Variants in POLD1 observed in about 807,000 individuals in gnomAD.
POLD1 encodes the protein DNA polymerase delta 1, catalytic subunit.
POLD1 carries 79 observed loss-of-function variants against 129.7 expected under a neutral mutation model. The observed-to-expected ratio is 0.61, with a 90% CI of 0.51 to 0.73. The LOEUF is 0.73. Among genes scored for constraint, POLD1 ranks in the 30% least tolerant of loss-of-function variants. POLD1 has a pLI of 0.00. For synonymous variants in POLD1, 714 were observed against 683.3 expected (o/e 1.04, Z -0.70); for missense variants, 1,338 against 1,595.8 (o/e 0.84, Z 2.75).
intron 10 of POLD1, among the ~76,000 whole-genome samples, chr19:50,405,066 A>G (rs2038825677): frequency 6.6e-6 from 1 of 151,548 alleles, no homozygotes; most frequent in Admixed American, 6.6e-5. Flanking sequence ...CGCCTGGCCT[A>G]TTTTTGTTTT....
At chr19:50,405,696 A>C (rs532612510) in intron 10 of POLD1, among the ~76,000 whole-genome samples, 1 of 151,860 alleles carries the variant, frequency 6.6e-6, no homozygotes, top group Non-Finnish European at 1.5e-5. Flanking sequence ...GGTGTCCCTC[A>C]CCCTCTGCCC....
intron 10 of POLD1, 38 bp downstream of exon 10, chr19:50,403,635 C>T (rs761733660): frequency 1.5e-6 from 2 of 1,366,592 alleles, no homozygotes; most frequent in East Asian, 2.3e-5. Flanking sequence ...TCTCAGATGC[C>T]CCAGGTGTGG....
intron 10 of POLD1, among the ~76,000 whole-genome samples, chr19:50,404,981 T>C (rs533404365): frequency 6.6e-6 from 1 of 150,654 alleles, no homozygotes. Flanking sequence ...GCCAGGCTGG[T>C]CTCGAACTCC....
rs2122384313 is a variant in POLD1 at position 50,409,520 on chromosome 19, G to C, written c.2008G>C (p.Ala670Pro). Residue 670 changes from alanine (A) to proline (P), a missense_variant and splice_region_variant, in exon 17 of 27, where the codon GCC becomes CCC. This residue lies in a region of POLD1 where 720 missense variants were observed against 1,002.6 expected (regional missense o/e 0.72). Coordinates refer to ENST00000440232, the MANE Select transcript of POLD1 (RefSeq NM_002691.4). This position sits in a 1 kb window ranked among gnomAD's most constrained non-coding sequence, Gnocchi z 5.8. ...LENLLSARKR[A>P]KAELAKETDP... Reference sequence around the variant, plus strand: ...TGCTTTCCCCGTGTTCCCTCGCAGGGCCAAGGCCGAGCTGGCCAAGGAGAC... The same window carrying C: ...TGCTTTCCCCGTGTTCCCTCGCAGGCCCAAGGCCGAGCTGGCCAAGGAGAC... The C allele has an allele frequency of 1.2e-6, 2 of 1,613,536 alleles. No individual in the cohort carries two copies. Among genetic ancestry groups the C allele is most frequent in the Non-Finnish European group, 1.7e-6 (2 of 1,180,036 alleles).
chr19:50,388,967 G>A (rs557214365), intron 1 of POLD1, among the ~76,000 whole-genome samples: 13 of 151,128 alleles, frequency 8.6e-5, no homozygotes, highest in African/African-American at 2.2e-4. Context: ...TGAGTAGCTG[G>A]GACTATAGGC....
chr19:50,402,941 C>A, intron 8 of POLD1, 112 bp from the exon 9 acceptor site: 1 of 1,411,088 alleles, frequency 7.1e-7, no homozygotes, highest in South Asian at 1.3e-5. Flanking sequence ...GGGTGAGCCA[C>A]GTAGGGCCGG....
At position 50,409,806 on chromosome 19, in the gene POLD1, G is replaced by A. The variant is rs1455593296; in HGVS notation, c.2154+140G>A. On this transcript the variant is annotated intron_variant, in intron 17 of 26. Transcript: ENST00000440232. The surrounding 1 kb of genome is among the most constrained non-coding windows in gnomAD (Gnocchi z 5.8). ...CCTTCTAGAGAGAGGATGCCAATGT[G>A]GCTTGAGCAATTGGTCCATTCCTTC... The A allele has an allele frequency of 1.1e-6, 1 of 915,104 alleles. No homozygotes were observed. The highest frequency in any genetic ancestry group is 1.6e-6 in the Non-Finnish European group (1 of 607,446). The allele number at this position is 915,104 out of a possible 1,614,324, so 56.7% of individuals were successfully genotyped here.
chr19:50,413,367 C>A, intron 17 of POLD1, 59 bp from the exon 18 acceptor site: 1 of 1,423,056 alleles, frequency 7.0e-7, no homozygotes. Context: ...CCCCCGCCGG[C>A]CCACGTTCAC....
rs1200175776 is a variant in POLD1 at position 50,401,939 on chromosome 19, C to T, written c.463+15C>T. On this transcript the variant is annotated intron_variant, in intron 4 of 26. Transcript: ENST00000440232. ...AGCGCCCCCTGGTGAGTGGCCCCTACCCAGCCCCTCCCTGAGCCACTGGAG... is the reference window on the plus strand; with the variant it reads ...AGCGCCCCCTGGTGAGTGGCCCCTATCCAGCCCCTCCCTGAGCCACTGGAG... 2 of 1,614,002 alleles carry T rather than the reference C, an allele frequency of 1.2e-6. No individual in the cohort carries two copies. Among genetic ancestry groups the T allele is most frequent in the Non-Finnish European group, 8.5e-7 (1 of 1,179,894 alleles).
Position 50,399,747 on chromosome 19 carries a change from A to G in POLD1, c.316+263A>G, listed in dbSNP as rs3219371. On this transcript the variant is annotated intron_variant, in intron 3 of 26. Coordinates refer to ENST00000440232, the MANE Select transcript of POLD1 (RefSeq NM_002691.4). ...CGTTGATCTGTTTTGCATACGTAGT[A>G]GCTGCAGCCTGTGCAAGGACCTCTG... Among the ~76,000 whole-genome samples the G allele has an allele frequency of 0.14, 21,062 of 152,262 alleles. 2,200 individuals carry two copies. Among genetic ancestry groups the G allele is most frequent in the African/African-American group, 0.29 (12,028 of 41,540 alleles).
At chr19:50,410,474 CACCCGCAG>C (rs2039052127) in intron 17 of POLD1, among the ~76,000 whole-genome samples, 1 of 152,176 alleles carries the variant, frequency 6.6e-6, no homozygotes, top group Admixed American at 6.5e-5. Context: ...CACACCCACC[CACCCGCAG>C]TTCTGGGGGT....
Position 50,415,816 on chromosome 19 carries a change from T to C in POLD1, c.2810T>C (p.Met937Thr). 1 of 1,529,430 alleles carries C rather than the reference T, an allele frequency of 6.5e-7. No homozygotes were observed. 94.7% of individuals were successfully genotyped at this position (1,529,430 alleles called of 1,614,324 possible). Residue 937 changes from methionine (M) to threonine (T), a missense_variant, in exon 22 of 27, where the codon ATG becomes ACG. Physicochemically the swap from Met to Thr is moderately conservative, Grantham distance 81. Coordinates refer to ENST00000440232, the MANE Select transcript of POLD1 (RefSeq NM_002691.4). The part of the protein sequence containing the change: ...ISAAKGVAAY[M>T]KSEDPLFVLE... The stretch of plus-strand genomic sequence containing the variant: ...GCCGCCAAGGGTGTGGCCGCCTACA[T>C]GAAGTCGGAGGTCAGGCCCACCTGG...
intron 1 of POLD1, among the ~76,000 whole-genome samples, chr19:50,389,130 C>A (rs1408775870): frequency 6.7e-6 from 1 of 148,538 alleles, no homozygotes; most frequent in East Asian, 1.9e-4. Context: ...CGCACCTGGC[C>A]TCTTTTTTTT....
At position 50,402,439 on chromosome 19, in the gene POLD1, C is replaced by T. The variant is rs2038686123; in HGVS notation, c.759-15C>T. ...CTCGGGCAGCCCCTGTCCACTGACC[C>T]CCAGCCCCCTCCAGGTTCATGGTGG... On this transcript the variant is annotated splice_polypyrimidine_tract_variant and intron_variant, in intron 6 of 26. Coordinates refer to ENST00000440232, the MANE Select transcript of POLD1 (RefSeq NM_002691.4). 1.9e-6 allele frequency: 3 copies of T among 1,612,702 alleles called. No individual in the cohort carries two copies. Among genetic ancestry groups the T allele is most frequent in the Non-Finnish European group, 2.5e-6 (3 of 1,179,426 alleles).
Position 50,407,401 on chromosome 19 carries a change from C to G in POLD1, c.1761C>G (p.Ile587Met). The change falls in exon 14 of 27, where the codon ATC becomes ATG. Residue 587 changes from isoleucine to methionine, a missense_variant. Ile to Met is a conservative substitution (Grantham distance 10). Coordinates refer to ENST00000440232, the MANE Select transcript of POLD1 (RefSeq NM_002691.4). ...GGEDYTGATV[I>M]EPLKGYYDVP... is the part of the protein sequence containing the mutation. Reference sequence around the variant, plus strand: ...AGGACTACACGGGAGCCACTGTCATCGAGCCCCTCAAAGGGTGAGGCCCCA... The same window carrying G: ...AGGACTACACGGGAGCCACTGTCATGGAGCCCCTCAAAGGGTGAGGCCCCA... 1 of 1,607,458 alleles carries G rather than the reference C, an allele frequency of 6.2e-7. No individual in the cohort carries two copies. Among genetic ancestry groups the G allele is most frequent in the Non-Finnish European group, 8.5e-7 (1 of 1,176,008 alleles).
Position 50,409,009 on chromosome 19 carries a change from G to A in POLD1, c.1892+108G>A. 7.4e-7 allele frequency: 1 copy of A among 1,354,318 alleles called. No individual in the cohort carries two copies. The highest frequency in any genetic ancestry group is 1.0e-6 in the Non-Finnish European group (1 of 959,534). 83.9% of individuals were successfully genotyped at this position (1,354,318 alleles called of 1,614,324 possible). A position where few individuals can be genotyped will look rare whatever the true frequency, so the allele number is the denominator to read the frequency against. On this transcript the variant is annotated intron_variant, in intron 15 of 26. Coordinates refer to ENST00000440232, the MANE Select transcript of POLD1 (RefSeq NM_002691.4). The surrounding 1 kb of genome is among the most constrained non-coding windows in gnomAD (Gnocchi z 5.8). ...CACAGGCCCAGAGATAGTAGGGAGT[G>A]GAGGGGTGCTTGAGGGGCCTGCGTG...
intron 1 of POLD1, chr19:50,387,930 T>A (rs1299117986): frequency 1.3e-5 from 2 of 152,276 alleles, no homozygotes; most frequent in East Asian, 3.8e-4. Flanking sequence ...AACCCTAATG[T>A]CCATCCACTG....
chr19:50,389,397 C>T (rs1449253721), intron 1 of POLD1, among the ~76,000 whole-genome samples: 1 of 152,074 alleles, frequency 6.6e-6, no homozygotes, highest in East Asian at 1.9e-4. Context: ...CCTGGGATTA[C>T]AGCCGTGAGC....
chr19:50,399,263 C>A, intron 2 of POLD1, 108 bp from the exon 3 acceptor site: 2 of 1,159,766 alleles, frequency 1.7e-6, no homozygotes, highest in Non-Finnish European at 2.5e-6. Flanking sequence ...AAGTTTCCTG[C>A]CTGACCCAGA....
Sources: allele counts gnomAD v4.1 joint callset (sites outside exome capture counted in the v4.1 genomes callset), GRCh38; gene constraint gnomAD v4.1.1; regional missense constraint gnomAD v4.1.1; non-coding constraint Gnocchi (gnomAD v3.1); transcripts MANE v1.5; gene names NCBI Gene and HGNC (gene_info 2026-07-23, HGNC 2026-07-21).